Variants in CTNNA2 observed in about 807,000 individuals in gnomAD.
CTNNA2 encodes the protein catenin alpha 2, also known as catenin alpha-2.
Under a neutral mutation model 101.0 loss-of-function variants are expected in CTNNA2, and 42 were observed. The observed-to-expected ratio is 0.42, with a 90% CI of 0.32 to 0.54. The LOEUF is 0.54. Among genes scored for constraint, CTNNA2 ranks in the 20% least tolerant of loss-of-function variants. The probability of loss-of-function intolerance (pLI) is 0.14; values close to 1 mark genes in which losing one functional copy is unlikely to be tolerated. For synonymous variants in CTNNA2, 450 were observed against 456.4 expected, an observed-to-expected ratio of 0.99 and a Z score of 0.18; for missense variants, 871 against 1,223.1, an observed-to-expected ratio of 0.71 and a Z score of 4.29.
intron 4 of CTNNA2, among the ~76,000 whole-genome samples, chr2:79,487,177 G>A (rs1280418088): frequency 6.6e-6 from 1 of 152,168 alleles, no homozygotes; most frequent in East Asian, 1.9e-4. Flanking sequence ...TCTTGTAACA[G>A]TAGATTTGAT....
intron 7 of CTNNA2, among the ~76,000 whole-genome samples, chr2:80,160,894 G>GTT (rs551552772): frequency 1.1e-4 from 16 of 144,788 alleles, no homozygotes; most frequent in African/African-American, 4.0e-4. Context: ...GTTGACTATA[G>GTT]TTTTTTTTTT....
At position 79,299,518 on chromosome 2, in the gene CTNNA2, A is replaced by G. The variant is rs150365684; in HGVS notation, c.-405-13191A>G. On this transcript the variant is annotated intron_variant, in intron 2 of 21. Transcript: ENST00000466387. ...GATTCTAAGAGGTTGTTCTCTTTCA[A>G]AGCCCTCTGCCAAACCGGTGATGGG... is the stretch of plus-strand genomic sequence containing the variant. 1.4e-3 allele frequency among the ~76,000 whole-genome samples: 216 copies of G among 152,336 alleles called. 1 individual carries two copies. The highest frequency in any genetic ancestry group is 4.9e-3 in the African/African-American group (204 of 41,582).
chr2:79,519,228 C>CAA (rs35330716), intron 1 of CTNNA2, among the ~76,000 whole-genome samples: 49 of 50,688 alleles, frequency 9.7e-4, no homozygotes, highest in African/African-American at 2.8e-3. Context: ...GACTCCGTCT[C>CAA]AAAAAAAAAA....
intron 7 of CTNNA2, among the ~76,000 whole-genome samples, chr2:80,382,303 A>G (rs1028590622): frequency 1.3e-5 from 2 of 152,236 alleles, no homozygotes; most frequent in Admixed American, 6.5e-5. Context: ...TTCAGTTTCA[A>G]GGAAATGTAA....
chr2:80,311,231 T>C (rs1677549444), intron 7 of CTNNA2, among the ~76,000 whole-genome samples: 1 of 152,338 alleles, frequency 6.6e-6, no homozygotes, highest in African/African-American at 2.4e-5. Flanking sequence ...GAAGTGGAAT[T>C]GGTGTTCAAA....
At chr2:79,864,039 C>T (rs867580893) in intron 4 of CTNNA2, among the ~76,000 whole-genome samples, 14 of 152,278 alleles carry the variant, frequency 9.2e-5, no homozygotes, top group Middle Eastern at 3.4e-3. Flanking sequence ...TTTCCTCTGG[C>T]AGCGTCTATG....
At position 80,645,757 on chromosome 2, in the gene CTNNA2, G is replaced by T. The variant is rs1254181760; in HGVS notation, c.2575-1828G>T. On this transcript the variant is annotated intron_variant, in intron 18 of 18. Coordinates refer to ENST00000402739, the MANE Select transcript of CTNNA2 (RefSeq NM_001282597.3). ...TTTCCTTAGCTATCTTTAGAAATTTGGGCTGTATAAACGAAAGAGTATGGG... is the reference window on the plus strand; with the variant it reads ...TTTCCTTAGCTATCTTTAGAAATTTTGGCTGTATAAACGAAAGAGTATGGG... Among the ~76,000 whole-genome samples the T allele has an allele frequency of 2.6e-5, 4 of 151,942 alleles. No homozygotes were observed. The South Asian group carries it at 6.2e-4, about 24-fold the overall frequency.
chr2:80,320,972 C>T (rs1678620077), intron 7 of CTNNA2, among the ~76,000 whole-genome samples: 1 of 152,098 alleles, frequency 6.6e-6, no homozygotes, highest in African/African-American at 2.4e-5. Flanking sequence ...AGAAGAATAA[C>T]TCTATTCAGT....
chr2:79,483,283 C>T (rs1187657377), intron 4 of CTNNA2, among the ~76,000 whole-genome samples: 2 of 152,292 alleles, frequency 1.3e-5, no homozygotes, highest in African/African-American at 4.8e-5. Context: ...CGAGTGCCCT[C>T]GTCTATTGGT....
chr2:79,703,302 G>T (rs1342023718), intron 2 of CTNNA2, among the ~76,000 whole-genome samples: 1 of 152,234 alleles, frequency 6.6e-6, no homozygotes, highest in Non-Finnish European at 1.5e-5. Flanking sequence ...TAGCTTAAAA[G>T]ATTGTAACTT....
chr2:80,534,326 G>T (rs948992313), intron 9 of CTNNA2, among the ~76,000 whole-genome samples: 17 of 152,076 alleles, frequency 1.1e-4, no homozygotes, highest in African/African-American at 4.1e-4. Context: ...GATATTAGCT[G>T]GTGTATGCTA....
At chr2:80,575,903 G>A (rs1229876695) in intron 13 of CTNNA2, among the ~76,000 whole-genome samples, 2 of 152,110 alleles carry the variant, frequency 1.3e-5, no homozygotes, top group African/African-American at 4.8e-5. Flanking sequence ...TTAAAATTTA[G>A]GAGGAGAGAA....
chr2:79,534,411 C>G (rs993379028), intron 1 of CTNNA2, among the ~76,000 whole-genome samples: 1 of 151,980 alleles, frequency 6.6e-6, no homozygotes, highest in Admixed American at 6.6e-5. Context: ...TTTGTTATAA[C>G]GCTAGGATAA....
intron 4 of CTNNA2, among the ~76,000 whole-genome samples, chr2:79,441,524 C>T (rs2104518775): frequency 6.6e-6 from 1 of 152,254 alleles, no homozygotes; most frequent in African/African-American, 2.4e-5. Context: ...TTTCCTTTTA[C>T]ATCATTCAAA....
intron 9 of CTNNA2, among the ~76,000 whole-genome samples, chr2:80,515,195 C>T (rs1689018632): frequency 6.6e-6 from 1 of 151,200 alleles, no homozygotes; most frequent in Non-Finnish European, 1.5e-5. Context: ...TTTTCAGGAC[C>T]ATTCTCATGA....
At chr2:80,234,358 G>A (rs1229659886) in intron 7 of CTNNA2, among the ~76,000 whole-genome samples, 1 of 152,176 alleles carries the variant, frequency 6.6e-6, no homozygotes, top group Admixed American at 6.5e-5. Context: ...AAGCACAAAT[G>A]TTAGAAGGTA....
chr2:80,129,205 A>G (rs573261337), intron 7 of CTNNA2, among the ~76,000 whole-genome samples: 4 of 152,312 alleles, frequency 2.6e-5, no homozygotes, highest in Non-Finnish European at 4.4e-5. Context: ...GAAGGATTAT[A>G]TAGGAAGGGC....
At chr2:80,523,046 CAG>C (rs1272923507) in intron 9 of CTNNA2, among the ~76,000 whole-genome samples, 1 of 151,962 alleles carries the variant, frequency 6.6e-6, no homozygotes, top group East Asian at 1.9e-4. Context: ...AGTGAGAAGC[CAG>C]AGTCTGGGAT....
At chr2:79,543,254 CAA>C (rs1478028682) in intron 1 of CTNNA2, among the ~76,000 whole-genome samples, 1 of 152,062 alleles carries the variant, frequency 6.6e-6, no homozygotes, top group Non-Finnish European at 1.5e-5. Flanking sequence ...TTCATTGAAA[CAA>C]AACCGTGTAA....
Sources: allele counts gnomAD v4.1 joint callset (sites outside exome capture counted in the v4.1 genomes callset), GRCh38; gene constraint gnomAD v4.1.1; transcripts MANE v1.5; gene names NCBI Gene and HGNC (gene_info 2026-07-23, HGNC 2026-07-21).